The following DNAH9 variants were observed in gnomAD, a reference collection of about 807,000 sequenced individuals.
DNAH9 encodes the protein DNAH9 variant protein.
DNAH9 carries 345 observed loss-of-function variants against 471.6 expected under a neutral mutation model. The observed-to-expected ratio is 0.73, with a 90% CI of 0.67 to 0.80. The LOEUF (loss-of-function observed/expected upper bound fraction) is 0.80. Ranked by LOEUF, DNAH9 falls within the 30% of genes least tolerant of loss-of-function variation. The pLI, the probability that DNAH9 is intolerant of heterozygous loss-of-function variation, is 0.00. For synonymous variants in DNAH9, 2,093 were observed against 2,123.6 expected (o/e 0.99, Z 0.40); for missense variants, 5,407 against 5,609.2 (o/e 0.96, Z 1.15).
intron 1 of DNAH9, among the ~76,000 whole-genome samples, chr17:11,606,406 CG>C (rs1445338095): frequency 6.7e-6 from 1 of 150,072 alleles, no homozygotes; most frequent in Non-Finnish European, 1.5e-5. Flanking sequence ...TCAAAGATTC[CG>C]GGTGAGTTTA....
intron 62 of DNAH9, among the ~76,000 whole-genome samples, chr17:11,929,345 T>C (rs1261127333): frequency 6.6e-6 from 1 of 152,158 alleles, no homozygotes; most frequent in Non-Finnish European, 1.5e-5. Flanking sequence ...TGTTACACTC[T>C]TAAATTGTGG....
intron 20 of DNAH9, among the ~76,000 whole-genome samples, chr17:11,693,237 C>CTTTTTTT (rs776422086): frequency 1.3e-5 from 1 of 77,438 alleles, no homozygotes; most frequent in African/African-American, 5.6e-5. Flanking sequence ...TTAAAATGCC[C>CTTTTTTT]TTTTTTTTTT....
intron 66 of DNAH9, 99 bp from the exon 67 acceptor site, chr17:11,942,204 G>A (rs540907792): frequency 4.1e-5 from 61 of 1,481,344 alleles, no homozygotes; most frequent in South Asian, 1.0e-4. Context: ...GGCAGCAGAC[G>A]ATGGGTGATT....
intron 49 of DNAH9, among the ~76,000 whole-genome samples, chr17:11,848,693 A>G (rs1971306847): frequency 6.6e-6 from 1 of 152,184 alleles, no homozygotes; most frequent in African/African-American, 2.4e-5. Context: ...ACATAGAACA[A>G]TGTTCAGCAA....
intron 14 of DNAH9, among the ~76,000 whole-genome samples, chr17:11,657,642 TA>T (rs1201273030): frequency 5.1e-4 from 78 of 152,188 alleles, no homozygotes; most frequent in African/African-American, 1.7e-3. Flanking sequence ...AGATATCTTT[TA>T]TTTTTTTTCT....
chr17:11,930,328 G>T (rs1248129801), intron 63 of DNAH9, among the ~76,000 whole-genome samples: 1 of 152,096 alleles, frequency 6.6e-6, no homozygotes, highest in African/African-American at 2.4e-5. Flanking sequence ...AGAGATGTGG[G>T]GAAGCCTTCT....
chr17:11,883,476 C>A, intron 55 of DNAH9, 110 bp from the exon 56 acceptor site: 1 of 1,371,588 alleles, frequency 7.3e-7, no homozygotes. Flanking sequence ...GCCATTCTGC[C>A]TCCACTTTAC....
chr17:11,952,309 C>CTTTTTTTTTTTTTTTTTTT (rs753276964), intron 67 of DNAH9, among the ~76,000 whole-genome samples: 1 of 71,078 alleles, frequency 1.4e-5, no homozygotes. Flanking sequence ...CCAGCTAATT[C>CTTTTTTTTTTTTTTTTTTT]TTTTTTTTTT....
chr17:11,795,389 T>C (rs1419663302), intron 42 of DNAH9, among the ~76,000 whole-genome samples: 1 of 152,210 alleles, frequency 6.6e-6, no homozygotes, highest in Non-Finnish European at 1.5e-5. Context: ...TATTCAAATT[T>C]TGTATTTAGG....
chr17:11,748,136 C>G, intron 32 of DNAH9, among the ~76,000 whole-genome samples: 1 of 100,358 alleles, frequency 1.0e-5, no homozygotes, highest in Admixed American at 1.5e-4. Flanking sequence ...AACCCTGTCT[C>G]TACTAAAAAT....
At chr17:11,644,544 TC>T in intron 10 of DNAH9, 86 bp from the exon 11 acceptor site, 3 of 952,762 alleles carry the variant, frequency 3.1e-6, no homozygotes, top group Non-Finnish European at 4.9e-6. Flanking sequence ...CTATTCACGC[TC>T]TTCTTTGGAG....
chr17:11,610,508 G>A lies in DNAH9; in HGVS notation c.727G>A (p.Gly243Arg), dbSNP rs2072612458. 4 of 1,613,366 alleles carry A rather than the reference G, an allele frequency of 2.5e-6. No individual in the cohort carries two copies. The highest frequency in any genetic ancestry group is 3.4e-6 in the Non-Finnish European group (4 of 1,180,016). Residue 243 changes from glycine (G) to arginine (R), a missense_variant, in exon 3 of 69, where the codon GGG becomes AGG. Coordinates refer to ENST00000262442, the MANE Select transcript of DNAH9 (RefSeq NM_001372.4). ...AGAGTCTTCCCAGCCACTCTTACAA[G>A]GGGAGAATCCCACCCCTAAGGTGGA... Reference protein sequence around the residue: ...KRESSQPLLQGENPTPKVELE... With the variant: ...KRESSQPLLQRENPTPKVELE...
intron 68 of DNAH9, among the ~76,000 whole-genome samples, chr17:11,967,484 A>G (rs1184727275): frequency 6.6e-6 from 1 of 152,220 alleles, no homozygotes; most frequent in East Asian, 1.9e-4. Flanking sequence ...AAAATGATAC[A>G]CTAGCGTATA....
chr17:11,656,376 C>G (rs996475531), intron 14 of DNAH9, among the ~76,000 whole-genome samples: 24 of 152,198 alleles, frequency 1.6e-4, no homozygotes, highest in African/African-American at 4.8e-4. Context: ...TGAGAATTGT[C>G]TATTCGCATC....
At chr17:11,651,411 A>G in intron 13 of DNAH9, 87 bp downstream of exon 13, 1 of 1,371,774 alleles carries the variant, frequency 7.3e-7, no homozygotes. Flanking sequence ...ATTCCCTGGT[A>G]ATCTTATTTG....
Position 11,699,696 on chromosome 17 carries a change from G to A in DNAH9, c.4873-35G>A, listed in dbSNP as rs369990994. On this transcript the variant is annotated intron_variant, in intron 22 of 68. Coordinates refer to ENST00000262442, the MANE Select transcript of DNAH9 (RefSeq NM_001372.4). ...TTCTAATAAGCAGCTTCCCGAACAT[G>A]TTTTATGATCCATTGGCCTGGTTTC... The A allele has an allele frequency of 6.8e-5, 109 of 1,606,974 alleles. No homozygotes were observed. The Middle Eastern group carries it at 8.3e-4, about 12-fold the overall frequency.
chr17:11,608,376 G>A, intron 2 of DNAH9, 51 bp downstream of exon 2: 1 of 1,368,644 alleles, frequency 7.3e-7, no homozygotes, highest in South Asian at 1.3e-5. Context: ...GGGAGATGCT[G>A]GTTATCAGAA....
chr17:11,675,154 A>G (rs111431175), intron 17 of DNAH9, among the ~76,000 whole-genome samples: 3,690 of 152,108 alleles, frequency 0.024, 152 homozygotes, highest in African/African-American at 0.083. Flanking sequence ...TTTTGTAATC[A>G]TTGTCTTTAA....
rs1310825276 is a variant in DNAH9, at chr17:11,744,877, G to C, written c.6192G>C (p.Arg2064=). ...AGSLKRGDPD[R]PEDQVLMRSL... ...CCCTGAAGAGAGGAGACCCTGACCGGCCTGAGGACCAGGTCCTGATGCGCT... is the reference window on the plus strand; with the variant it reads ...CCCTGAAGAGAGGAGACCCTGACCGCCCTGAGGACCAGGTCCTGATGCGCT... The change falls in exon 31 of 69, where the codon CGG becomes CGC. Residue 2064 remains arginine, a synonymous_variant. Transcript: ENST00000262442. The C allele has an allele frequency of 1.2e-6, 2 of 1,614,188 alleles. No homozygotes were observed. The highest frequency in any genetic ancestry group is 1.7e-6 in the Non-Finnish European group (2 of 1,180,034).
Sources: allele counts gnomAD v4.1 joint callset (sites outside exome capture counted in the v4.1 genomes callset), GRCh38; gene constraint gnomAD v4.1.1; transcripts MANE v1.5; gene names NCBI Gene and HGNC (gene_info 2026-07-23, HGNC 2026-07-21).